The following SNX29 variants were observed in gnomAD, a reference collection of about 807,000 sequenced individuals.
SNX29 encodes sorting nexin-29.
Under a neutral mutation model 102.1 loss-of-function variants are expected in SNX29, and 78 were observed. The observed-to-expected ratio is 0.76, with a 90% CI of 0.64 to 0.92. The LOEUF (loss-of-function observed/expected upper bound fraction) is 0.92. Among genes scored for constraint, SNX29 ranks in the 40% least tolerant of loss-of-function variants. The pLI, the probability that SNX29 is intolerant of heterozygous loss-of-function variation, is 0.00. For missense variants in SNX29, 1,280 were observed against 1,061.7 expected, an observed-to-expected ratio of 1.21 and a Z score of -2.86; for synonymous variants, 580 against 414.5, an observed-to-expected ratio of 1.40 and a Z score of -4.85.
chr16:12,282,083 C>T (rs1194306812), intron 15 of SNX29, among the ~76,000 whole-genome samples: 1 of 62,048 alleles, frequency 1.6e-5, no homozygotes, highest in Non-Finnish European at 2.9e-5. Context: ...GACTCCATCT[C>T]AAAAAAAAAA....
intron 15 of SNX29, among the ~76,000 whole-genome samples, chr16:12,322,195 G>A (rs905653107): frequency 5.9e-5 from 9 of 152,142 alleles, no homozygotes; most frequent in African/African-American, 1.7e-4. Context: ...AACCCATAAG[G>A]CCAGTCACGC....
intron 20 of SNX29, among the ~76,000 whole-genome samples, chr16:12,558,371 C>T (rs1055008441): frequency 6.6e-6 from 1 of 152,176 alleles, no homozygotes; most frequent in Non-Finnish European, 1.5e-5. Context: ...CCATTGGTAA[C>T]CATCGGAATT....
intron 3 of SNX29, among the ~76,000 whole-genome samples, chr16:12,013,500 A>ATATATATATATATATAT (rs1555518837): frequency 3.2e-5 from 1 of 31,618 alleles, no homozygotes; most frequent in African/African-American, 9.8e-5. Flanking sequence ...AAAAAAAAAA[A>ATATATATATATATATAT]ATATATATAT....
At chr16:12,188,980 T>C (rs1002957887) in intron 13 of SNX29, among the ~76,000 whole-genome samples, 2 of 152,188 alleles carry the variant, frequency 1.3e-5, no homozygotes, top group East Asian at 3.8e-4. Flanking sequence ...GATTGTGATA[T>C]GGCAGGAGGG....
At chr16:12,308,604 C>T (rs1032017988) in intron 15 of SNX29, among the ~76,000 whole-genome samples, 11 of 152,048 alleles carry the variant, frequency 7.2e-5, no homozygotes. Flanking sequence ...GCTTCGAGTG[C>T]CAGGGATAAA....
intron 18 of SNX29, among the ~76,000 whole-genome samples, chr16:12,457,590 C>T (rs1018730376): frequency 2.0e-5 from 3 of 152,222 alleles, no homozygotes; most frequent in African/African-American, 4.8e-5. Context: ...GTTCAAATCA[C>T]GTCTCCACCA....
intron 14 of SNX29, among the ~76,000 whole-genome samples, chr16:12,244,446 C>T (rs113804596): frequency 0.039 from 5,934 of 151,964 alleles, 416 homozygotes; most frequent in African/African-American, 0.14. Context: ...CTGTCTCTAC[C>T]AAAAATACAA....
intron 15 of SNX29, among the ~76,000 whole-genome samples, chr16:12,334,928 C>CAAAAAAAAAAAAA (rs2081403000): frequency 3.5e-5 from 1 of 28,550 alleles, no homozygotes; most frequent in Non-Finnish European, 9.0e-5. Context: ...TTTTAAAAAG[C>CAAAAAAAAAAAAA]AACAGTCTTT....
intron 11 of SNX29, among the ~76,000 whole-genome samples, chr16:12,107,878 A>T (rs547212534): frequency 1.3e-5 from 2 of 152,302 alleles, no homozygotes; most frequent in African/African-American, 4.8e-5. Context: ...GGGATTGATT[A>T]ACAATCGTGT....
At chr16:12,478,909 CAG>C (rs994470110) in intron 19 of SNX29, among the ~76,000 whole-genome samples, 4 of 152,178 alleles carry the variant, frequency 2.6e-5, no homozygotes, top group Admixed American at 6.5e-5. Context: ...AAGAAGGAGA[CAG>C]GGGCACTTCA....
chr16:12,546,796 A>G (rs2077634062), intron 20 of SNX29: 1 of 152,010 alleles, frequency 6.6e-6, no homozygotes, highest in South Asian at 2.1e-4. Flanking sequence ...TTTTAAATAC[A>G]GACAATTAGG....
At position 12,199,676 on chromosome 16, in the gene SNX29, A is replaced by T. The variant is rs568538924; in HGVS notation, c.1671A>T (p.Thr557=). Residue 557 remains threonine, a synonymous_variant, in exon 14 of 21, where the codon ACA becomes ACT. Transcript: ENST00000566228. ...AGATGCTGAAAAGAGAAGGTCAAAC[A>T]GCTGAAGGTGAGGGGGAGCCTGAGC... ...AVQMLKREGQ[T]AEVPNLWSVD... is the part of the protein sequence containing the mutation. 6.2e-7 allele frequency: 1 copy of T among 1,611,614 alleles called. No homozygotes were observed. Among genetic ancestry groups the T allele is most frequent in the African/African-American group, 1.3e-5 (1 of 74,856 alleles).
At chr16:12,240,510 C>T (rs77986333) in intron 14 of SNX29, among the ~76,000 whole-genome samples, 4,756 of 145,612 alleles carry the variant, frequency 0.033, 262 homozygotes, top group East Asian at 0.3. Flanking sequence ...TTTTTTCTGT[C>T]GGTTTTTGTT....
At chr16:12,425,011 G>C (rs2085005983) in intron 18 of SNX29, among the ~76,000 whole-genome samples, 1 of 152,244 alleles carries the variant, frequency 6.6e-6, no homozygotes, top group Non-Finnish European at 1.5e-5. Context: ...GGAGATTAAA[G>C]ATGTGTAACT....
chr16:12,101,291 C>T (rs116389869), intron 11 of SNX29, among the ~76,000 whole-genome samples: 3 of 142,738 alleles, frequency 2.1e-5, no homozygotes, highest in African/African-American at 8.2e-5. Context: ...ACCTTTGTGG[C>T]CCCCCCCAAC....
intron 20 of SNX29, among the ~76,000 whole-genome samples, chr16:12,555,013 C>G (rs1245912373): frequency 2.6e-5 from 4 of 151,904 alleles, no homozygotes; most frequent in Non-Finnish European, 5.9e-5. Flanking sequence ...CAGAGGCAGG[C>G]AGGAGTGTGC....
chr16:12,310,139 C>T (rs2080488828), intron 15 of SNX29, among the ~76,000 whole-genome samples: 1 of 152,220 alleles, frequency 6.6e-6, no homozygotes, highest in Non-Finnish European at 1.5e-5. Flanking sequence ...CATGCACATA[C>T]ACACTGCATA....
At chr16:11,995,134 TG>T in intron 1 of SNX29, among the ~76,000 whole-genome samples, 1 of 152,312 alleles carries the variant, frequency 6.6e-6, no homozygotes, top group South Asian at 2.1e-4. Context: ...GGTGCAATCT[TG>T]GCTCACTGTA....
intron 20 of SNX29, among the ~76,000 whole-genome samples, chr16:12,555,621 GCCACAC>G (rs201286531): frequency 0.015 from 2,321 of 151,952 alleles, 53 homozygotes; most frequent in African/African-American, 0.052. Context: ...CAGTGTGCAT[GCCACAC>G]CTGAGTAACC....
Sources: gnomAD v4.1 joint callset for allele counts (sites outside exome capture counted in the v4.1 genomes callset) on GRCh38, gnomAD v4.1.1 for gene constraint, MANE v1.5 for transcripts, NCBI Gene and HGNC (gene_info 2026-07-23, HGNC 2026-07-21) for gene names.